Variants in BCKDHB observed in about 807,000 individuals in gnomAD.
BCKDHB encodes branched chain keto acid dehydrogenase E1 subunit beta, also known as 2-oxoisovalerate dehydrogenase subunit beta, mitochondrial.
Under a neutral mutation model 48.5 loss-of-function variants are expected in BCKDHB, and 41 were observed. That is an observed-to-expected ratio of 0.85 (90% CI 0.66 to 1.10). The LOEUF (loss-of-function observed/expected upper bound fraction) is 1.10, where lower values mean the gene tolerates loss of function less well. BCKDHB is among the 50% of genes least tolerant of loss of function. The probability of loss-of-function intolerance (pLI) is 0.00; values close to 1 mark genes in which losing one functional copy is unlikely to be tolerated. For missense variants in BCKDHB, 496 were observed against 494.2 expected (o/e 1.00, Z -0.03); for synonymous variants, 201 against 174.8 (o/e 1.15, Z -1.18).
At chr6:80,162,803 A>G (rs1458794155) in intron 3 of BCKDHB, among the ~76,000 whole-genome samples, 1 of 152,074 alleles carries the variant, frequency 6.6e-6, no homozygotes, top group African/African-American at 2.4e-5. Flanking sequence ...GTGAGTGGAG[A>G]TTGTGCCACT....
At chr6:80,436,248 C>T in the BCKDHB span, among the ~76,000 whole-genome samples, 1 of 147,058 alleles carries the variant, frequency 6.8e-6, no homozygotes, top group Non-Finnish European at 1.5e-5. Context: ...AAGCTCTGCC[C>T]CCCGGGTTCA....
chr6:80,327,989 T>C (rs1407328371), intron 9 of BCKDHB, among the ~76,000 whole-genome samples: 1 of 151,346 alleles, frequency 6.6e-6, no homozygotes, highest in East Asian at 2.0e-4. Context: ...CTTTTCTTTT[T>C]GTCTGCCTTT....
At chr6:80,400,297 G>T in the BCKDHB span, among the ~76,000 whole-genome samples, 1 of 151,910 alleles carries the variant, frequency 6.6e-6, no homozygotes, top group Non-Finnish European at 1.5e-5. Flanking sequence ...CTATAGAATG[G>T]GAGAAAATTT....
At chr6:80,223,867 G>C (rs545258448) in intron 8 of BCKDHB, among the ~76,000 whole-genome samples, 2 of 152,184 alleles carry the variant, frequency 1.3e-5, no homozygotes, top group African/African-American at 2.4e-5. Context: ...CCAAAGGGTG[G>C]AGGGGGATTG....
intron 9 of BCKDHB, among the ~76,000 whole-genome samples, chr6:80,299,528 T>C (rs922288066): frequency 3.4e-4 from 51 of 151,912 alleles, no homozygotes; most frequent in African/African-American, 1.1e-3. Flanking sequence ...TTGAGGTGAG[T>C]CCATAAAGTG....
At chr6:80,186,772 G>T (rs1333808049) in intron 6 of BCKDHB, among the ~76,000 whole-genome samples, 1 of 152,218 alleles carries the variant, frequency 6.6e-6, no homozygotes, top group African/African-American at 2.4e-5. Context: ...CGGGAACTGG[G>T]AGTGCCTACA....
At chr6:80,301,751 A>C (rs1206505206) in intron 9 of BCKDHB, among the ~76,000 whole-genome samples, 6 of 152,176 alleles carry the variant, frequency 3.9e-5, no homozygotes, top group Non-Finnish European at 5.9e-5. Flanking sequence ...CCTCAACAGA[A>C]TACTAGCAAA....
chr6:80,324,253 G>A (rs1582569602), intron 9 of BCKDHB, among the ~76,000 whole-genome samples: 1 of 152,130 alleles, frequency 6.6e-6, no homozygotes, highest in South Asian at 2.1e-4. Flanking sequence ...TTCTGATACC[G>A]TGACCATACC....
chr6:80,169,780 T>C (rs201094399), intron 5 of BCKDHB: 731 of 1,586,366 alleles, frequency 4.6e-4, no homozygotes, highest in Middle Eastern at 6.7e-4. Flanking sequence ...CTATGTTTTA[T>C]TCTTTTTTTC....
intron 3 of BCKDHB, among the ~76,000 whole-genome samples, chr6:80,146,329 A>C (rs1026081051): frequency 1.3e-5 from 2 of 152,210 alleles, no homozygotes; most frequent in Admixed American, 1.3e-4. Flanking sequence ...TAAAATGATA[A>C]AAATAACGCC....
At chr6:80,435,800 G>A in the BCKDHB span, among the ~76,000 whole-genome samples, 2 of 152,186 alleles carry the variant, frequency 1.3e-5, no homozygotes, top group African/African-American at 2.4e-5. Context: ...TTGGAAGGCC[G>A]AGGTGGGTGG....
rs190586239 is a variant in BCKDHB, at chr6:80,335,337, A to T, written c.1039-8327A>T. On this transcript the variant is annotated intron_variant, in intron 9 of 9. Coordinates refer to ENST00000320393, the MANE Select transcript of BCKDHB (RefSeq NM_183050.4). ...TGGTGCCAAGCAAATCAGAAATCCT[A>T]CCTTACAGAGAGCGATTTGTTCATG... Among the ~76,000 whole-genome samples, 121 of 152,060 alleles carry T rather than the reference A, an allele frequency of 8.0e-4. 1 individual carries two copies. The highest frequency in any genetic ancestry group is 1.3e-4 in the Non-Finnish European group (9 of 67,934).
the BCKDHB span, among the ~76,000 whole-genome samples, chr6:80,382,702 A>G: frequency 6.6e-6 from 1 of 152,110 alleles, no homozygotes; most frequent in Non-Finnish European, 1.5e-5. Flanking sequence ...ATATATATAT[A>G]TTCATTTCCA....
chr6:80,259,656 TG>T (rs759600045), intron 8 of BCKDHB, among the ~76,000 whole-genome samples: 80 of 152,314 alleles, frequency 5.3e-4, no homozygotes, highest in Non-Finnish European at 8.5e-4. Flanking sequence ...AAAAGAATAA[TG>T]ATACCCTAAC....
chr6:80,179,448 A>G (rs1441444413), intron 6 of BCKDHB, among the ~76,000 whole-genome samples: 3 of 152,192 alleles, frequency 2.0e-5, no homozygotes, highest in Admixed American at 2.0e-4. Context: ...AGCCATTTAC[A>G]TAGAATTTAC....
At chr6:80,186,007 A>G (rs1286041066) in intron 6 of BCKDHB, among the ~76,000 whole-genome samples, 1 of 152,088 alleles carries the variant, frequency 6.6e-6, no homozygotes, top group Non-Finnish European at 1.5e-5. Flanking sequence ...GAGCAGGGTT[A>G]TTCTGTTATG....
chr6:80,359,839 C>A, the BCKDHB span, among the ~76,000 whole-genome samples: 6 of 152,174 alleles, frequency 3.9e-5, no homozygotes, highest in African/African-American at 1.4e-4. Flanking sequence ...GATCTGCCCA[C>A]CTTGGCCTCC....
chr6:80,137,445 G>A (rs1770944079), intron 3 of BCKDHB, among the ~76,000 whole-genome samples: 1 of 152,156 alleles, frequency 6.6e-6, no homozygotes, highest in South Asian at 2.1e-4. Context: ...CTGGAGTGTG[G>A]TGGTACAATC....
chr6:80,284,486 A>G (rs79085525), intron 9 of BCKDHB, among the ~76,000 whole-genome samples: 3 of 151,894 alleles, frequency 2.0e-5, no homozygotes, highest in Admixed American at 2.0e-4. Context: ...GTTAACTTAA[A>G]AAGTGACTTT....
Sources: gnomAD v4.1 joint callset for allele counts (sites outside exome capture counted in the v4.1 genomes callset) on GRCh38, gnomAD v4.1.1 for gene constraint, MANE v1.5 for transcripts, NCBI Gene and HGNC (gene_info 2026-07-23, HGNC 2026-07-21) for gene names.